ADAMTSL1: variants seen among roughly 807,000 people sequenced by gnomAD.
The protein encoded by ADAMTSL1 is ADAMTS like 1.
Under a neutral mutation model 201.8 loss-of-function variants are expected in ADAMTSL1, and 126 were observed. The ratio of observed to expected loss-of-function variants is 0.62; its 90% CI spans 0.54 to 0.72. The LOEUF (loss-of-function observed/expected upper bound fraction) is 0.72. Ranked by LOEUF, ADAMTSL1 falls within the 30% of genes least tolerant of loss-of-function variation. ADAMTSL1 has a pLI of 0.00. For missense variants in ADAMTSL1, 2,679 were observed against 2,277.8 expected (o/e 1.18, Z -3.59); for synonymous variants, 1,121 against 903.4 (o/e 1.24, Z -4.32).
At chr9:18,002,377 G>T (rs1407650787) in intron 1 of ADAMTSL1, among the ~76,000 whole-genome samples, 1 of 151,974 alleles carries the variant, frequency 6.6e-6, no homozygotes, top group East Asian at 1.9e-4. Context: ...CTGAGCCTCA[G>T]TTTCCTCATC....
intron 2 of ADAMTSL1, among the ~76,000 whole-genome samples, chr9:18,531,481 C>G (rs1335300049): frequency 1.3e-5 from 2 of 152,126 alleles, no homozygotes; most frequent in East Asian, 3.9e-4. Flanking sequence ...CTCCTTATTT[C>G]TATGGTTTCA....
chr9:18,316,423 TGG>T (rs905332684), intron 2 of ADAMTSL1, among the ~76,000 whole-genome samples: 12 of 151,940 alleles, frequency 7.9e-5, no homozygotes, highest in African/African-American at 2.9e-4. Context: ...CGGGCACACC[TGG>T]GGGGGCCGTT....
intron 1 of ADAMTSL1, among the ~76,000 whole-genome samples, chr9:18,020,020 G>C (rs1294645798): frequency 6.6e-6 from 1 of 151,998 alleles, no homozygotes. Context: ...TGGTTATCCT[G>C]TGCCTTCTTC....
intron 2 of ADAMTSL1, among the ~76,000 whole-genome samples, chr9:18,270,564 A>G (rs1369988971): frequency 6.6e-6 from 1 of 152,218 alleles, no homozygotes; most frequent in East Asian, 1.9e-4. Flanking sequence ...TATTGCCTAT[A>G]TAATGCCTTA....
intron 3 of ADAMTSL1, among the ~76,000 whole-genome samples, chr9:18,561,003 C>T (rs1026328126): frequency 6.6e-6 from 1 of 150,380 alleles, no homozygotes; most frequent in Non-Finnish European, 1.5e-5. Flanking sequence ...GTCTCTATCT[C>T]CTTCAGCTCT....
At chr9:18,897,635 G>C (rs766722027) in intron 26 of ADAMTSL1, among the ~76,000 whole-genome samples, 27 of 152,234 alleles carry the variant, frequency 1.8e-4, no homozygotes, top group Non-Finnish European at 3.7e-4. Flanking sequence ...CTACAGAAGA[G>C]TGGCCTATTA....
intron 4 of ADAMTSL1, among the ~76,000 whole-genome samples, chr9:18,608,754 C>T (rs1825191785): frequency 6.6e-6 from 1 of 152,160 alleles, no homozygotes; most frequent in Non-Finnish European, 1.5e-5. Context: ...CATTAAAAAT[C>T]AGCCAGCTCA....
chr9:18,156,637 TAC>T (rs56324477), intron 1 of ADAMTSL1, among the ~76,000 whole-genome samples: 6,203 of 150,280 alleles, frequency 0.041, 165 homozygotes, highest in Non-Finnish European at 0.061. Context: ...CATAAACACA[TAC>T]ACACACACAC....
At chr9:17,957,347 C>T (rs1054873555) in intron 1 of ADAMTSL1, among the ~76,000 whole-genome samples, 5 of 152,114 alleles carry the variant, frequency 3.3e-5, no homozygotes, top group Non-Finnish European at 7.4e-5. Flanking sequence ...CCCTTAGACC[C>T]TATTAGCAGC....
chr9:18,371,566 G>A (rs1015440904), intron 2 of ADAMTSL1, among the ~76,000 whole-genome samples: 2 of 152,134 alleles, frequency 1.3e-5, no homozygotes, highest in South Asian at 2.1e-4. Context: ...ATTGTGATAG[G>A]TTTATGTATT....
At chr9:18,142,108 C>T (rs147571853) in intron 1 of ADAMTSL1, among the ~76,000 whole-genome samples, 1 of 152,276 alleles carries the variant, frequency 6.6e-6, no homozygotes, top group East Asian at 1.9e-4. Flanking sequence ...GTTCCAATAG[C>T]TTTAGAAACA....
In ADAMTSL1 at chr9:18,080,872, A is replaced by G. The variant is rs1823469919; in HGVS notation, c.88-82990A>G. On this transcript the variant is annotated intron_variant, in intron 1 of 29. Coordinates refer to the ADAMTSL1 transcript ENST00000680146. ...TTAGACTCATAAAACTTATATTTTT[A>G]GAAAAAGCCTCTCATTATTTTAATG... is the stretch of plus-strand genomic sequence containing the variant. 3.3e-5 allele frequency among the ~76,000 whole-genome samples: 5 copies of G among 152,236 alleles called. No homozygotes were observed. In the South Asian group the frequency reaches 1.0e-3, roughly 31 times the overall value.
At chr9:18,310,776 C>T (rs562591629) in intron 2 of ADAMTSL1, among the ~76,000 whole-genome samples, 24 of 152,232 alleles carry the variant, frequency 1.6e-4, no homozygotes, top group African/African-American at 5.8e-4. Flanking sequence ...TTAGTTCAAC[C>T]ATTGTGGAAG....
chr9:18,532,210 G>C (rs1029859591), intron 2 of ADAMTSL1, among the ~76,000 whole-genome samples: 2 of 152,072 alleles, frequency 1.3e-5, no homozygotes, highest in African/African-American at 2.4e-5. Flanking sequence ...GATTGTTTTT[G>C]TTCATAGGAA....
Position 18,252,179 on chromosome 9 carries a change from G to A in ADAMTSL1, c.207+88198G>A, listed in dbSNP as rs190274928. Among the ~76,000 whole-genome samples, 29 of 151,932 alleles carry A rather than the reference G, an allele frequency of 1.9e-4. No individual in the cohort carries two copies. The East Asian group carries it at 4.8e-3, about 25-fold the overall frequency. Reference sequence around the variant, plus strand: ...GTTGCAGTACATAGGAAAAATGAAGGGTTAGTATCCCTAATATTAAGAGTT... The same window carrying A: ...GTTGCAGTACATAGGAAAAATGAAGAGTTAGTATCCCTAATATTAAGAGTT... On this transcript the variant is annotated intron_variant, in intron 2 of 29. Transcript: ENST00000680146.
chr9:18,790,168 G>A (rs1017737382), intron 19 of ADAMTSL1, among the ~76,000 whole-genome samples: 2 of 152,176 alleles, frequency 1.3e-5, no homozygotes, highest in African/African-American at 4.8e-5. Context: ...GTAAGAATGA[G>A]TCTATATACT....
chr9:18,003,727 T>C (rs1199150418), intron 1 of ADAMTSL1, among the ~76,000 whole-genome samples: 1 of 152,032 alleles, frequency 6.6e-6, no homozygotes, highest in Non-Finnish European at 1.5e-5. Context: ...AGGATCAACA[T>C]CCAGAATATT....
chr9:18,382,877 A>G (rs1464340050), intron 2 of ADAMTSL1, among the ~76,000 whole-genome samples: 1 of 152,186 alleles, frequency 6.6e-6, no homozygotes, highest in Non-Finnish European at 1.5e-5. Flanking sequence ...CAGACTTCCA[A>G]ATGATTTTCA....
chr9:18,605,016 G>A (rs1824921822), intron 4 of ADAMTSL1, among the ~76,000 whole-genome samples: 2 of 152,140 alleles, frequency 1.3e-5, no homozygotes, highest in Admixed American at 6.5e-5. Context: ...CATGCTCACT[G>A]TAGTGGAGAT....
Sources: allele counts gnomAD v4.1 joint callset (sites outside exome capture counted in the v4.1 genomes callset), GRCh38; gene constraint gnomAD v4.1.1; transcripts MANE v1.5; gene names NCBI Gene and HGNC (gene_info 2026-07-23, HGNC 2026-07-21).